The following KCND3 variants were observed in gnomAD, a reference collection of about 807,000 sequenced individuals.
KCND3 encodes the protein potassium voltage-gated channel subfamily D member 3.
A neutral mutation model predicts 51.1 loss-of-function variants in KCND3; 9 were observed. That is an observed-to-expected ratio of 0.18 (90% CI 0.11 to 0.31). The LOEUF (loss-of-function observed/expected upper bound fraction) is 0.31. KCND3 is among the 10% of genes least tolerant of loss of function. The pLI is 1.00. For missense variants in KCND3, 526 were observed against 903.8 expected (o/e 0.58, Z 5.36); for synonymous variants, 349 against 368.0 (o/e 0.95, Z 0.59).
chr1:111,820,252 T>C (rs930803634), intron 2 of KCND3, among the ~76,000 whole-genome samples: 1 of 152,218 alleles, frequency 6.6e-6, no homozygotes, highest in Non-Finnish European at 1.5e-5. Context: ...AATTCCCCCC[T>C]GCTGGTTCTA....
intron 2 of KCND3, among the ~76,000 whole-genome samples, chr1:111,908,817 T>C (rs1281797683): frequency 1.3e-5 from 2 of 151,926 alleles, no homozygotes; most frequent in Non-Finnish European, 2.9e-5. Context: ...GTCTTGCTAT[T>C]GGGGAGACGT....
At chr1:111,915,140 CG>C (rs1322637490) in intron 2 of KCND3, among the ~76,000 whole-genome samples, 1 of 151,712 alleles carries the variant, frequency 6.6e-6, no homozygotes, top group African/African-American at 2.4e-5. Flanking sequence ...AAGCCAGCAG[CG>C]GAGATAAAGT....
At position 111,982,689 on chromosome 1, in the gene KCND3, C is replaced by T. The variant is rs1339082402; in HGVS notation, c.38G>A (p.Arg13Gln). Reference sequence around the variant, plus strand: ...CGGCATCCACCCGATGGCCGCAGCCCGGGCAAAAGGCAGCCAGGCCGCAAC... The same window carrying T: ...CGGCATCCACCCGATGGCCGCAGCCTGGGCAAAAGGCAGCCAGGCCGCAAC... ...AGVAAWLPFA[R>Q]AAAIGWMPVA... is the part of the protein sequence containing the mutation. The change falls in exon 2 of 8, where the codon CGG becomes CAG. Residue 13 changes from arginine (R) to glutamine (Q), a missense_variant. Coordinates refer to ENST00000302127, the MANE Select transcript of KCND3 (RefSeq NM_001378969.1). This position sits in a 1 kb window ranked among gnomAD's most constrained non-coding sequence, Gnocchi z 8.5. 12 of 1,609,104 alleles carry T rather than the reference C, an allele frequency of 7.5e-6. No homozygotes were observed. The highest frequency in any genetic ancestry group is 1.7e-5 in the Admixed American group (1 of 59,968).
chr1:111,802,663 C>T (rs922247643), intron 2 of KCND3, among the ~76,000 whole-genome samples: 7 of 152,280 alleles, frequency 4.6e-5, no homozygotes, highest in Middle Eastern at 3.4e-3. Context: ...AGAGCAGGCC[C>T]GGTGCAGTAC....
intron 2 of KCND3, among the ~76,000 whole-genome samples, chr1:111,858,071 G>A (rs1239480647): frequency 6.6e-6 from 1 of 152,124 alleles, no homozygotes; most frequent in Admixed American, 6.5e-5. Context: ...TCGGCTGCCG[G>A]TTCTACATCT....
chr1:111,967,041 G>T (rs1252087894), intron 2 of KCND3, among the ~76,000 whole-genome samples: 5 of 151,672 alleles, frequency 3.3e-5, no homozygotes, highest in African/African-American at 1.2e-4. Flanking sequence ...TTGGGAGGCT[G>T]AGGCAGGAGA....
intron 2 of KCND3, among the ~76,000 whole-genome samples, chr1:111,866,014 T>A (rs1668546986): frequency 6.6e-6 from 1 of 152,108 alleles, no homozygotes; most frequent in South Asian, 2.1e-4. Context: ...CCCAAACACA[T>A]TTATGTTTTC....
intron 2 of KCND3, among the ~76,000 whole-genome samples, chr1:111,856,439 C>T (rs1004586859): frequency 6.6e-6 from 1 of 152,214 alleles, no homozygotes; most frequent in Non-Finnish European, 1.5e-5. Context: ...GTGCACAGGG[C>T]ACTTAGTAGA....
intron 2 of KCND3, among the ~76,000 whole-genome samples, chr1:111,845,748 A>G (rs1667518973): frequency 6.6e-6 from 1 of 152,240 alleles, no homozygotes; most frequent in Non-Finnish European, 1.5e-5. Flanking sequence ...GAGAGATTAA[A>G]TAACTTACTC....
At chr1:111,861,555 C>T (rs1460495148) in intron 2 of KCND3, among the ~76,000 whole-genome samples, 1 of 152,144 alleles carries the variant, frequency 6.6e-6, no homozygotes, top group Non-Finnish European at 1.5e-5. Flanking sequence ...GGACCTTGTT[C>T]CTGTGTTTAC....
At chr1:111,881,540 G>A (rs1223041029) in intron 2 of KCND3, among the ~76,000 whole-genome samples, 2 of 152,182 alleles carry the variant, frequency 1.3e-5, no homozygotes, top group Non-Finnish European at 2.9e-5. Flanking sequence ...TGGCTACTGC[G>A]TGTGGAAAAA....
At chr1:111,940,015 C>T (rs1341012631) in intron 2 of KCND3, among the ~76,000 whole-genome samples, 7 of 149,102 alleles carry the variant, frequency 4.7e-5, no homozygotes, top group Admixed American at 6.7e-5. Context: ...GTTTGTTGGC[C>T]GAATAAATAT....
intron 2 of KCND3, among the ~76,000 whole-genome samples, chr1:111,800,402 TGCGGAAGGCC>T (rs1665249521): frequency 9.5e-6 from 1 of 104,862 alleles, no homozygotes; most frequent in Non-Finnish European, 1.9e-5. Context: ...ACACAAACAC[TGCGGAAGGCC>T]GCAGGGTCCT....
chr1:111,984,725 T>C (rs1053716733), intron 1 of KCND3, among the ~76,000 whole-genome samples: 12 of 152,182 alleles, frequency 7.9e-5, no homozygotes, highest in African/African-American at 2.9e-4. Flanking sequence ...CCCATCCTAG[T>C]ATCCAGCAAT....
At chr1:111,909,426 T>G (rs1281025699) in intron 2 of KCND3, 1 of 152,214 alleles carries the variant, frequency 6.6e-6, no homozygotes, top group Non-Finnish European at 1.5e-5. Context: ...GAGGGACATT[T>G]TGTCCATGTG....
intron 2 of KCND3, among the ~76,000 whole-genome samples, chr1:111,919,927 T>A (rs1671399445): frequency 6.6e-6 from 1 of 152,214 alleles, no homozygotes; most frequent in Admixed American, 6.5e-5. Context: ...CCAGCCTGGA[T>A]GGAGGGAGAT....
chr1:111,893,465 G>C (rs1669946035), intron 2 of KCND3, among the ~76,000 whole-genome samples: 1 of 152,186 alleles, frequency 6.6e-6, no homozygotes, highest in South Asian at 2.1e-4. Flanking sequence ...ACTATTGAGT[G>C]CCAGGCACAG....
chr1:111,871,428 T>TTA (rs1668823388), intron 2 of KCND3, among the ~76,000 whole-genome samples: 1 of 151,958 alleles, frequency 6.6e-6, no homozygotes, highest in South Asian at 2.1e-4. Context: ...AATTGGTAGG[T>TTA]CCTAGAGAGA....
intron 2 of KCND3, among the ~76,000 whole-genome samples, chr1:111,809,362 T>G (rs28416621): frequency 0.081 from 12,225 of 151,458 alleles, 866 homozygotes; most frequent in African/African-American, 0.18. Context: ...AGGCTGGAGT[T>G]CAGTGGCGCG....
Sources: allele counts gnomAD v4.1 joint callset (sites outside exome capture counted in the v4.1 genomes callset), GRCh38; gene constraint gnomAD v4.1.1; non-coding constraint Gnocchi (gnomAD v3.1); transcripts MANE v1.5; gene names NCBI Gene and HGNC (gene_info 2026-07-23, HGNC 2026-07-21).